NUP188: variants seen among roughly 807,000 people sequenced by gnomAD.
NUP188 encodes the protein nucleoporin NUP188.
Under a neutral mutation model 223.0 loss-of-function variants are expected in NUP188, and 97 were observed. That is an observed-to-expected ratio of 0.43 (90% CI 0.37 to 0.51). NUP188 has a LOEUF of 0.51. Ranked by LOEUF, NUP188 falls within the 20% of genes least tolerant of loss-of-function variation. The pLI is 0.00. For synonymous variants in NUP188, 869 were observed against 828.0 expected, an observed-to-expected ratio of 1.05 and a Z score of -0.85; for missense variants, 1,947 against 2,175.6, an observed-to-expected ratio of 0.89 and a Z score of 2.09.
chr9:128,995,475 G>A lies in NUP188; in HGVS notation c.3312G>A (p.Val1104=), dbSNP rs778475958. The A allele has an allele frequency of 6.2e-7, 1 of 1,610,028 alleles. No homozygotes were observed. Residue 1104 remains valine, a synonymous_variant, in exon 30 of 44, where the codon GTG becomes GTA. Transcript: ENST00000372577. ...CCTTGTTAGAGTACCAGATGCTGGTGTCCGCCTGGAGGATGCTTCTCATCA... is the reference window on the plus strand; with the variant it reads ...CCTTGTTAGAGTACCAGATGCTGGTATCCGCCTGGAGGATGCTTCTCATCA... ...CTSLLEYQML[V]SAWRMLLIIA... is the part of the protein sequence containing the mutation.
Position 129,006,615 on chromosome 9 carries a change from C to G in NUP188, c.5187C>G (p.Ser1729Arg), listed in dbSNP as rs1395682063. 1 of 1,614,210 alleles carries G rather than the reference C, an allele frequency of 6.2e-7. No homozygotes were observed. The highest frequency in any genetic ancestry group is 1.1e-5 in the South Asian group (1 of 91,090). The stretch of plus-strand genomic sequence containing the variant: ...AGTCCACCTCTCTCTCCAAAGCCAG[C>G]CCTGAGAGTCAGGAGCCTCTGATCC... ...QGKSTSLSKA[S>R]PESQEPLIQL... is the part of the protein sequence containing the mutation. The change falls in exon 44 of 44, where the codon AGC becomes AGG. Residue 1729 changes from serine to arginine, a missense_variant. Ser to Arg is a moderately radical substitution (Grantham distance 110). Around this residue, in one of 3 missense-constraint regions of NUP188, gnomAD observed 905 missense variants for 990.6 expected, o/e 0.91. Coordinates refer to ENST00000372577, the MANE Select transcript of NUP188 (RefSeq NM_015354.3).
intron 8 of NUP188, among the ~76,000 whole-genome samples, chr9:128,961,785 C>G (rs1393253966): frequency 6.6e-6 from 1 of 151,470 alleles, no homozygotes; most frequent in Non-Finnish European, 1.5e-5. Flanking sequence ...CCACGCCCGG[C>G]TAATTTTGTA....
chr9:128,964,222 TC>T, intron 8 of NUP188: 1 of 361,858 alleles, frequency 2.8e-6, no homozygotes, highest in Non-Finnish European at 5.4e-6. Context: ...CACATTTTTA[TC>T]CCATTGTTTT....
intron 38 of NUP188, 144 bp downstream of exon 38, chr9:129,003,598 A>G: frequency 2.1e-6 from 2 of 953,804 alleles, no homozygotes. Flanking sequence ...GTTTGCTGTC[A>G]TGTGCTTACT....
intron 9 of NUP188, 72 bp downstream of exon 9, chr9:128,968,789 G>T (rs2131153648): frequency 8.8e-7 from 1 of 1,142,030 alleles, no homozygotes; most frequent in Non-Finnish European, 1.3e-6. Flanking sequence ...TATGTAAGCA[G>T]GTAGGGGGTA....
Position 128,987,711 on chromosome 9 carries a change from C to T in NUP188, c.2387C>T (p.Pro796Leu), listed in dbSNP as rs1160028053. Residue 796 changes from proline to leucine, a missense_variant, in exon 23 of 44, where the codon CCT becomes CTT. Pro to Leu is a moderately conservative substitution (Grantham distance 98). Around this residue, in one of 3 missense-constraint regions of NUP188, gnomAD observed 225 missense variants for 319.1 expected, o/e 0.71. Transcript: ENST00000372577. The stretch of plus-strand genomic sequence containing the variant: ...ATTGACATGGTGATGGCTGCTCAGC[C>T]TCGAAGGTAGGGCTCCTTCTCCACG... ...DTIDMVMAAQ[P>L]RSDGAEGQGQ... The T allele has an allele frequency of 6.2e-6, 10 of 1,613,288 alleles. No individual in the cohort carries two copies. The highest frequency in any genetic ancestry group is 7.6e-6 in the Non-Finnish European group (9 of 1,179,796).
intron 8 of NUP188, among the ~76,000 whole-genome samples, chr9:128,959,426 G>C (rs1442334927): frequency 6.6e-6 from 1 of 151,702 alleles, no homozygotes; most frequent in Non-Finnish European, 1.5e-5. Context: ...ACAAGTGTGA[G>C]CGACTACACC....
chr9:128,951,689 G>A (rs1225796766), intron 2 of NUP188, among the ~76,000 whole-genome samples: 1 of 151,794 alleles, frequency 6.6e-6, no homozygotes, highest in Non-Finnish European at 1.5e-5. Flanking sequence ...AAGAAAAGAA[G>A]GTTACAGAAT....
intron 11 of NUP188, among the ~76,000 whole-genome samples, chr9:128,971,789 T>G (rs566515236): frequency 6.8e-4 from 103 of 151,682 alleles, no homozygotes; most frequent in African/African-American, 2.4e-3. Context: ...CTTTTTCTTT[T>G]TTTTGAGACT....
intron 8 of NUP188, among the ~76,000 whole-genome samples, chr9:128,962,135 A>G (rs1025448914): frequency 1.3e-5 from 2 of 151,282 alleles, no homozygotes; most frequent in Non-Finnish European, 2.9e-5. Context: ...GGGTTTCTCC[A>G]TGTTGGTCAG....
chr9:129,005,668 C>T lies in NUP188; in HGVS notation c.4761C>T (p.Asn1587=), dbSNP rs12350674. 3 of 1,613,958 alleles carry T rather than the reference C, an allele frequency of 1.9e-6. No individual in the cohort carries two copies. The highest frequency in any genetic ancestry group is 1.1e-5 in the South Asian group (1 of 91,050). Residue 1587 remains asparagine, a synonymous_variant, in exon 41 of 44, where the codon AAC becomes AAT. Coordinates refer to ENST00000372577, the MANE Select transcript of NUP188 (RefSeq NM_015354.3). ...LDQSLDLAEY[N]FLFALSFTTP... is the part of the protein sequence containing the mutation. Reference sequence around the variant, plus strand: ...AGTCCCTGGACCTTGCTGAATACAACTTCCTGTTTGCCCTGAGCTTTACCA... The same window carrying T: ...AGTCCCTGGACCTTGCTGAATACAATTTCCTGTTTGCCCTGAGCTTTACCA...
At chr9:129,005,559 C>T in intron 40 of NUP188, 29 bp downstream of exon 40, 1 of 1,610,490 alleles carries the variant, frequency 6.2e-7, no homozygotes, top group Non-Finnish European at 8.5e-7. Flanking sequence ...TCAGCACCAC[C>T]TCCCCTAAAG....
chr9:128,961,041 C>T (rs113036330), intron 8 of NUP188, among the ~76,000 whole-genome samples: 114 of 148,452 alleles, frequency 7.7e-4, no homozygotes, highest in African/African-American at 1.7e-3. Context: ...GCCAAGATTG[C>T]GCCACTGTAC....
At chr9:128,959,230 A>T (rs1328718642) in intron 8 of NUP188, 96 bp downstream of exon 8, 5 of 888,368 alleles carry the variant, frequency 5.6e-6, no homozygotes, top group Non-Finnish European at 8.0e-6. Context: ...ATCTCGGCTC[A>T]CTGCAACCTC....
At chr9:128,988,011 G>A in intron 23 of NUP188, 36 bp from the exon 24 acceptor site, 1 of 1,610,778 alleles carries the variant, frequency 6.2e-7, no homozygotes, top group Non-Finnish European at 8.5e-7. Flanking sequence ...AAGTCATACT[G>A]TCTGAATCAT....
chr9:128,951,525 A>T (rs1445156395), intron 2 of NUP188, among the ~76,000 whole-genome samples: 1 of 152,100 alleles, frequency 6.6e-6, no homozygotes, highest in Non-Finnish European at 1.5e-5. Context: ...TATATTATTA[A>T]ATAATTACAG....
intron 8 of NUP188, among the ~76,000 whole-genome samples, chr9:128,961,468 C>T (rs943169463): frequency 3.3e-5 from 5 of 151,782 alleles, no homozygotes; most frequent in South Asian, 4.2e-4. Flanking sequence ...GCCGAGATGA[C>T]GCCAGTGCAC....
intron 8 of NUP188, among the ~76,000 whole-genome samples, chr9:128,963,498 C>G (rs1378820650): frequency 1.5e-5 from 2 of 131,606 alleles, no homozygotes. Context: ...GCCACCATGC[C>G]CAGCCGTAAA....
chr9:128,986,934 C>T, intron 22 of NUP188, 59 bp downstream of exon 22: 1 of 1,447,158 alleles, frequency 6.9e-7, no homozygotes, highest in African/African-American at 1.4e-5. Context: ...CGGGCTTTTG[C>T]TGTGCAAAGC....
Sources: allele counts gnomAD v4.1 joint callset (sites outside exome capture counted in the v4.1 genomes callset), GRCh38; gene constraint gnomAD v4.1.1; regional missense constraint gnomAD v4.1.1; transcripts MANE v1.5; gene names NCBI Gene and HGNC (gene_info 2026-07-23, HGNC 2026-07-21).